The following DMD variants were observed in gnomAD, a reference collection of about 807,000 sequenced individuals.
DMD encodes the protein mutant dystrophin.
Under a neutral mutation model 330.1 loss-of-function variants are expected in DMD, and 63 were observed. That is an observed-to-expected ratio of 0.19 (90% CI 0.16 to 0.24). The LOEUF (loss-of-function observed/expected upper bound fraction) is 0.24. DMD is among the 10% of genes least tolerant of loss of function. DMD has a pLI of 1.00. For missense variants in DMD, 3,344 were observed against 2,684.1 expected (o/e 1.25, Z -5.43); for synonymous variants, 1,223 against 959.8 (o/e 1.27, Z -5.07).
chrX:32,862,609 C>CTTTTTTATCTTATATT (rs34186114), intron 2 of DMD, among the ~76,000 whole-genome samples: 1 of 110,216 alleles, frequency 9.1e-6, no homozygotes, highest in South Asian at 3.8e-4. Context: ...ATGGTAAATG[C>CTTTTTTATCTTATATT]TTTATCTTAT....
At chrX:33,329,179 G>T (rs754062215) in intron 1 of DMD, among the ~76,000 whole-genome samples, 1 of 111,366 alleles carries the variant, frequency 9.0e-6, no homozygotes, top group Admixed American at 9.5e-5. Context: ...ACAAAAAATG[G>T]TTCTCAAATT....
intron 7 of DMD, among the ~76,000 whole-genome samples, chrX:32,753,893 AAAGC>A (rs1002311069): frequency 1.8e-5 from 2 of 111,498 alleles, no homozygotes; most frequent in African/African-American, 3.3e-5. Context: ...CATTGAAAAT[AAAGC>A]AAGCAAGCAA....
In DMD at chrX:32,925,593, A is replaced by G. The variant is rs2088932384; in HGVS notation, c.94-75773T>C. Among the ~76,000 whole-genome samples, 3 of 111,739 alleles carry G rather than the reference A, an allele frequency of 2.7e-5. No homozygotes were observed. In the Admixed American group the frequency reaches 2.9e-4, roughly 11 times the overall value. ...ATGAAACAGTAACACGAATAAATAT[A>G]AAAGGCACTGCTAAAAAGGCTTTAA... On this transcript the variant is annotated intron_variant, in intron 2 of 78. Coordinates refer to ENST00000357033, the MANE Select transcript of DMD (RefSeq NM_004006.3).
chrX:31,194,038 G>A (rs765441073), intron 67 of DMD, among the ~76,000 whole-genome samples: 6 of 110,773 alleles, frequency 5.4e-5, no homozygotes, highest in Non-Finnish European at 7.6e-5. Context: ...AAAATCAGCC[G>A]GGTGTGGTGG....
chrX:32,722,949 T>A (rs1198628940), intron 7 of DMD, among the ~76,000 whole-genome samples: 2 of 110,869 alleles, frequency 1.8e-5, no homozygotes, highest in Non-Finnish European at 3.8e-5. Context: ...CCTGCTAGTA[T>A]TTTTGGTACT....
chrX:33,082,574 T>C (rs1209031045), intron 1 of DMD, among the ~76,000 whole-genome samples: 1 of 112,504 alleles, frequency 8.9e-6, no homozygotes, highest in Non-Finnish European at 1.9e-5. Flanking sequence ...ATATACAGCG[T>C]TGAGAAATTT....
chrX:32,675,427 C>A (rs764384020), intron 9 of DMD, among the ~76,000 whole-genome samples: 2 of 111,577 alleles, frequency 1.8e-5, no homozygotes, highest in Non-Finnish European at 3.8e-5. Context: ...TACCAGTTCC[C>A]AAACTTCACC....
chrX:32,760,194 T>G (rs1404224573), intron 7 of DMD, among the ~76,000 whole-genome samples: 1 of 111,775 alleles, frequency 8.9e-6, no homozygotes, highest in Non-Finnish European at 1.9e-5. Context: ...TACCCAAGGA[T>G]CAATTAGATA....
At chrX:31,917,585 C>A (rs1358635349) in intron 47 of DMD, among the ~76,000 whole-genome samples, 1 of 112,531 alleles carries the variant, frequency 8.9e-6, no homozygotes, top group African/African-American at 3.2e-5. Flanking sequence ...CTTCTCTCAC[C>A]ACAAAGTTCA....
chrX:32,769,070 A>G (rs1409426621), intron 7 of DMD, among the ~76,000 whole-genome samples: 4 of 112,273 alleles, frequency 3.6e-5, no homozygotes, highest in African/African-American at 1.3e-4. Flanking sequence ...AACAAAAAAC[A>G]TCATCATCTG....
intron 2 of DMD, among the ~76,000 whole-genome samples, chrX:32,885,827 G>GGAAAA (rs1557115361): frequency 1.5e-5 from 1 of 64,942 alleles, no homozygotes; most frequent in African/African-American, 5.7e-5. Context: ...CCTTGAGGGG[G>GGAAAA]AAAAAAAAAA....
intron 44 of DMD, among the ~76,000 whole-genome samples, chrX:32,160,469 A>T (rs895965079): frequency 1.8e-5 from 2 of 110,173 alleles, no homozygotes; most frequent in African/African-American, 6.6e-5. Flanking sequence ...TCCTGACCTC[A>T]GGTGATCCGC....
chrX:32,331,817 T>C (rs1035883684), intron 41 of DMD, among the ~76,000 whole-genome samples: 4 of 111,951 alleles, frequency 3.6e-5, no homozygotes, highest in Non-Finnish European at 7.5e-5. Context: ...TAATATGTTG[T>C]ATAAATCACG....
chrX:32,508,455 G>A (rs2044867906), intron 18 of DMD, among the ~76,000 whole-genome samples: 1 of 111,375 alleles, frequency 9.0e-6, no homozygotes, highest in Non-Finnish European at 1.9e-5. Flanking sequence ...AGATGTTAAA[G>A]AAGATACTAC....
At chrX:33,090,399 T>G (rs1410988954) in intron 1 of DMD, among the ~76,000 whole-genome samples, 1 of 108,274 alleles carries the variant, frequency 9.2e-6, no homozygotes, top group Non-Finnish European at 1.9e-5. Context: ...TTCTATATTA[T>G]AACATATATA....
At chrX:33,333,043 A>T (rs756878171) in intron 1 of DMD, among the ~76,000 whole-genome samples, 2 of 110,963 alleles carry the variant, frequency 1.8e-5, no homozygotes, top group Admixed American at 1.9e-4. Context: ...AAAGATCAAG[A>T]TCTTTGATAG....
At chrX:32,335,991 C>G (rs772819653) in intron 41 of DMD, among the ~76,000 whole-genome samples, 761 of 31,471 alleles carry the variant, frequency 0.024, 18 homozygotes, top group African/African-American at 0.044. Context: ...TTATATATAA[C>G]GTGTATATAT....
intron 1 of DMD, among the ~76,000 whole-genome samples, chrX:33,292,602 C>T (rs1322385610): frequency 2.7e-5 from 3 of 109,752 alleles, no homozygotes; most frequent in African/African-American, 9.9e-5. Context: ...AGGATACAAT[C>T]CTGGATTTTG....
chrX:31,387,914 T>C (rs771825566), intron 60 of DMD, among the ~76,000 whole-genome samples: 1 of 111,441 alleles, frequency 9.0e-6, no homozygotes, highest in Non-Finnish European at 1.9e-5. Flanking sequence ...GCGTCTTCCT[T>C]GCTTTATTTA....
Sources: allele counts gnomAD v4.1 joint callset (sites outside exome capture counted in the v4.1 genomes callset), GRCh38; gene constraint gnomAD v4.1.1; transcripts MANE v1.5; gene names NCBI Gene and HGNC (gene_info 2026-07-23, HGNC 2026-07-21).